LIMS1: variants seen among roughly 807,000 people sequenced by gnomAD.
The protein encoded by LIMS1 is LIM zinc finger domain containing 1, also known as LIM and senescent cell antigen-like-containing domain protein 1.
LIMS1 carries 18 observed loss-of-function variants against 44.1 expected under a neutral mutation model. The ratio of observed to expected loss-of-function variants is 0.41; its 90% CI spans 0.28 to 0.61. LIMS1 has a LOEUF of 0.61. Among genes scored for constraint, LIMS1 ranks in the 20% least tolerant of loss-of-function variants. The pLI, the probability that LIMS1 is intolerant of heterozygous loss-of-function variation, is 0.32. For synonymous variants in LIMS1, 93 were observed against 149.1 expected (o/e 0.62, Z 2.74); for missense variants, 201 against 422.0 (o/e 0.48, Z 4.59).
At chr2:108,577,720 AG>A (rs2104646853) in intron 1 of LIMS1, among the ~76,000 whole-genome samples, 1 of 152,354 alleles carries the variant, frequency 6.6e-6, no homozygotes, top group African/African-American at 2.4e-5. Context: ...TAAGAGAGAG[AG>A]AAAAAAGGTG....
intron 1 of LIMS1, among the ~76,000 whole-genome samples, chr2:108,600,475 T>C (rs1027443239): frequency 3.9e-5 from 6 of 152,234 alleles, no homozygotes; most frequent in Non-Finnish European, 7.3e-5. Flanking sequence ...TGCCAGACAT[T>C]TCCTTATACT....
intron 1 of LIMS1, among the ~76,000 whole-genome samples, chr2:108,610,074 T>C (rs1687505348): frequency 6.6e-6 from 1 of 150,846 alleles, no homozygotes; most frequent in Non-Finnish European, 1.5e-5. Flanking sequence ...ACCTGGGAGG[T>C]GGAGCTTGCA....
At position 108,630,881 on chromosome 2, in the gene LIMS1, A is replaced by G. The variant is rs11885278; in HGVS notation, c.33-28724A>G. ...GTTCTATGGTAATCATTAAGCTTTC[A>G]TATTTTGTGTTGGAAAAAAACAGTA... On this transcript the variant is annotated intron_variant, in intron 1 of 9. Transcript: ENST00000544547. Among the ~76,000 whole-genome samples, 766 of 152,306 alleles carry G rather than the reference A, an allele frequency of 5.0e-3. 6 individuals are homozygous for G. The highest frequency in any genetic ancestry group is 0.017 in the African/African-American group (727 of 41,558).
chr2:108,590,976 A>G lies in LIMS1; in HGVS notation c.32+56382A>G, dbSNP rs115956986. On this transcript the variant is annotated intron_variant, in intron 1 of 9. Transcript: ENST00000544547. ...AATGAATGAAAGAAATTCAAAAATTATCTACTGTGCTGGAATGTTTGAAGG... is the reference window on the plus strand; with the variant it reads ...AATGAATGAAAGAAATTCAAAAATTGTCTACTGTGCTGGAATGTTTGAAGG... Among the ~76,000 whole-genome samples, 625 of 152,346 alleles carry G rather than the reference A, an allele frequency of 4.1e-3. 4 individuals are homozygous for G. The highest frequency in any genetic ancestry group is 0.014 in the African/African-American group (593 of 41,578).
chr2:108,548,421 G>A (rs1172344241), intron 1 of LIMS1, among the ~76,000 whole-genome samples: 1 of 151,988 alleles, frequency 6.6e-6, no homozygotes, highest in Admixed American at 6.5e-5. Flanking sequence ...TTTATACTTC[G>A]TAATGGAATG....
intron 1 of LIMS1, among the ~76,000 whole-genome samples, chr2:108,618,703 TA>T (rs1422647188): frequency 2.0e-5 from 3 of 151,500 alleles, no homozygotes; most frequent in Non-Finnish European, 4.4e-5. Flanking sequence ...CGCGTGCCTA[TA>T]ATCCCAGCTA....
intron 2 of LIMS1, chr2:108,660,571 C>CT (rs1691289427): frequency 3.2e-6 from 1 of 316,686 alleles, no homozygotes; most frequent in Non-Finnish European, 6.2e-6. Context: ...GTAGCTGGGG[C>CT]TACAGGCACG....
At chr2:108,647,026 G>A (rs1690118327) in intron 1 of LIMS1, among the ~76,000 whole-genome samples, 1 of 152,130 alleles carries the variant, frequency 6.6e-6, no homozygotes. Context: ...CGGCCCAGGA[G>A]CTGGTTTTTT....
At chr2:108,612,028 A>C (rs1687676347) in intron 1 of LIMS1, among the ~76,000 whole-genome samples, 1 of 62,998 alleles carries the variant, frequency 1.6e-5, no homozygotes, top group Non-Finnish European at 2.9e-5. Flanking sequence ...ACACACACAT[A>C]TACACACACA....
At chr2:108,621,164 G>C (rs974414282) in intron 1 of LIMS1, 3 of 1,011,718 alleles carry the variant, frequency 3.0e-6, no homozygotes, top group Non-Finnish European at 2.7e-6. Context: ...GGCAAGTTGT[G>C]CCTTGCTGAG....
chr2:108,676,539 C>G, intron 6 of LIMS1, 67 bp from the exon 7 acceptor site: 2 of 1,524,370 alleles, frequency 1.3e-6, no homozygotes, highest in South Asian at 2.5e-5. Flanking sequence ...TAGGTTAACT[C>G]TGGTATTTAC....
Position 108,633,776 on chromosome 2 carries a change from G to A in LIMS1, c.33-25829G>A, listed in dbSNP as rs116851452. On this transcript the variant is annotated intron_variant, in intron 1 of 9. Coordinates refer to ENST00000544547, the Ensembl canonical transcript of LIMS1. ...TGCTGTTTATAAAAGGATTAGAGCAGGGAGTTTTGTTGCCCTAAAATCAGG... is the reference window on the plus strand; with the variant it reads ...TGCTGTTTATAAAAGGATTAGAGCAAGGAGTTTTGTTGCCCTAAAATCAGG... Among the ~76,000 whole-genome samples the A allele has an allele frequency of 2.0e-5, 3 of 152,314 alleles. No homozygotes were observed. The East Asian group carries it at 5.8e-4, about 29-fold the overall frequency.
At chr2:108,610,148 ATGTGTGTGTGTGTG>A (rs60571292) in intron 1 of LIMS1, among the ~76,000 whole-genome samples, 12,324 of 143,360 alleles carry the variant, frequency 0.086, 670 homozygotes, top group Non-Finnish European at 0.12. Flanking sequence ...GTTACAAAAA[ATGTGTGTGTGTGTG>A]TGTGTGTGTG....
chr2:108,597,568 C>A (rs989683385), intron 1 of LIMS1, among the ~76,000 whole-genome samples: 1 of 151,948 alleles, frequency 6.6e-6, no homozygotes, highest in African/African-American at 2.4e-5. Flanking sequence ...CTTGCTTGTA[C>A]GTATGTCTGT....
intron 1 of LIMS1, among the ~76,000 whole-genome samples, chr2:108,634,477 A>G (rs755894510): frequency 1.1e-4 from 17 of 152,206 alleles, no homozygotes; most frequent in Admixed American, 4.6e-4. Context: ...AAAACAAAGA[A>G]GCTCATACAG....
chr2:108,605,753 A>C (rs1687238256), intron 1 of LIMS1, among the ~76,000 whole-genome samples: 1 of 152,250 alleles, frequency 6.6e-6, no homozygotes, highest in Admixed American at 6.5e-5. Flanking sequence ...GGGCCATATT[A>C]GACTACAGTG....
In LIMS1 at chr2:108,663,390, CT is replaced by C. The variant is rs200254337; in HGVS notation, c.192+3629del. Among the ~76,000 whole-genome samples the C allele has an allele frequency of 5.1e-3, 778 of 152,328 alleles. 6 individuals carry two copies. The highest frequency in any genetic ancestry group is 0.018 in the African/African-American group (739 of 41,574). ...GATGCCATTTACCCAGGGAAATACC[CT>C]TTCAACCCAGAGGCCCTAACGCTAA... On this transcript the variant is annotated intron_variant, in intron 2 of 9. Coordinates refer to ENST00000544547, the Ensembl canonical transcript of LIMS1.
chr2:108,556,323 A>G (rs1397261263), intron 1 of LIMS1, among the ~76,000 whole-genome samples: 1 of 152,132 alleles, frequency 6.6e-6, no homozygotes, highest in African/African-American at 2.4e-5. Context: ...TATATACTGT[A>G]CTTGTTTATC....
intron 1 of LIMS1, among the ~76,000 whole-genome samples, chr2:108,615,056 A>G (rs537585475): frequency 1.1e-4 from 16 of 152,174 alleles, no homozygotes; most frequent in African/African-American, 3.9e-4. Flanking sequence ...TGCTGAGCAG[A>G]TATAGATACG....
Sources: allele counts gnomAD v4.1 joint callset (sites outside exome capture counted in the v4.1 genomes callset), GRCh38; gene constraint gnomAD v4.1.1; transcripts MANE v1.5; gene names NCBI Gene and HGNC (gene_info 2026-07-23, HGNC 2026-07-21).